The following ACTL8 variants were observed in gnomAD, a reference collection of about 807,000 sequenced individuals.
ACTL8 encodes actin-like protein 8.
A neutral mutation model predicts 9.3 loss-of-function variants in ACTL8; 3 were observed. That is an observed-to-expected ratio of 0.32 (90% CI 0.15 to 0.83). The LOEUF is 0.83. Among genes scored for constraint, ACTL8 ranks in the 40% least tolerant of loss-of-function variants. ACTL8 has a pLI of 0.57. For missense variants in ACTL8, 381 were observed against 492.2 expected, an observed-to-expected ratio of 0.77 and a Z score of 2.14; for synonymous variants, 224 against 205.9, an observed-to-expected ratio of 1.09 and a Z score of -0.75.
intron 1 of ACTL8, among the ~76,000 whole-genome samples, chr1:17,783,349 TTTGTTTTTTTTTTTTA>T: frequency 7.9e-6 from 1 of 127,256 alleles, no homozygotes; most frequent in African/African-American, 3.4e-5. Flanking sequence ...TTTTTTTTGT[TTTGTTTTTTTTTTTTA>T]AAAAAACTCC....
chr1:17,805,343 C>A (rs566762379), intron 1 of ACTL8, among the ~76,000 whole-genome samples: 1 of 140,614 alleles, frequency 7.1e-6, no homozygotes, highest in East Asian at 2.0e-4. Flanking sequence ...ATAGCTAGTG[C>A]TTTATAAAAT....
chr1:17,789,271 C>T (rs975574099), intron 1 of ACTL8, among the ~76,000 whole-genome samples: 2 of 151,984 alleles, frequency 1.3e-5, no homozygotes, highest in East Asian at 1.9e-4. Context: ...GAGGGATGCT[C>T]GTGTGGGCAG....
At position 17,826,615 on chromosome 1, in the gene ACTL8, G is replaced by T. The variant is rs1393015876; in HGVS notation, c.*96G>T. ...TCTGGGTGGGGGTAGAATGAGGTGG[G>T]GTGGGGTGAGCTGGCTTTGGAATTC... On this transcript the variant is annotated 3_prime_UTR_variant, in exon 3 of 3. Coordinates refer to ENST00000375406, the MANE Select transcript of ACTL8 (RefSeq NM_030812.3). The surrounding 1 kb of genome is among the most constrained non-coding windows in gnomAD (Gnocchi z 4.5). 2 of 1,273,066 alleles carry T rather than the reference G, an allele frequency of 1.6e-6. No individual in the cohort carries two copies. The highest frequency in any genetic ancestry group is 2.1e-6 in the Non-Finnish European group (2 of 953,998). 78.9% of individuals were successfully genotyped at this position (1,273,066 alleles called of 1,614,324 possible).
intron 1 of ACTL8, among the ~76,000 whole-genome samples, chr1:17,807,145 G>A (rs1269967969): frequency 6.6e-6 from 1 of 152,196 alleles, no homozygotes; most frequent in Non-Finnish European, 1.5e-5. Context: ...GGGCTCACAT[G>A]GATAATCCAG....
rs946045613 is a variant in ACTL8 at position 17,767,299 on chromosome 1, C to A, written c.-25+11795C>A. ...CTGGGGTTGCATCGGATGATAGGAT[C>A]CGACTTCGCTGCTGGAGACAGAGCC... is the stretch of plus-strand genomic sequence containing the variant. On this transcript the variant is annotated intron_variant, in intron 1 of 2. Transcript: ENST00000375406. This position sits in a 1 kb window ranked among gnomAD's most constrained non-coding sequence, Gnocchi z 4.7. 6.6e-6 allele frequency among the ~76,000 whole-genome samples: 1 copy of A among 152,014 alleles called. No homozygotes were observed. The highest frequency in any genetic ancestry group is 2.4e-5 in the African/African-American group (1 of 41,376).
chr1:17,773,878 G>A lies in ACTL8; in HGVS notation c.-25+18374G>A, dbSNP rs143279473. On this transcript the variant is annotated intron_variant, in intron 1 of 2. Coordinates refer to ENST00000375406, the MANE Select transcript of ACTL8 (RefSeq NM_030812.3). Reference sequence around the variant, plus strand: ...TCTGAGCTTCCGTCTTCTACTTTGCGAAGGGAGGGAGAAGAGGCTGTCTGT... The same window carrying A: ...TCTGAGCTTCCGTCTTCTACTTTGCAAAGGGAGGGAGAAGAGGCTGTCTGT... Among the ~76,000 whole-genome samples, 383 of 152,350 alleles carry A rather than the reference G, an allele frequency of 2.5e-3. 1 individual carries two copies. The highest frequency in any genetic ancestry group is 8.4e-3 in the African/African-American group (350 of 41,574).
At chr1:17,802,424 C>CGTGTGT (rs72387933) in intron 1 of ACTL8, among the ~76,000 whole-genome samples, 126 of 146,660 alleles carry the variant, frequency 8.6e-4, no homozygotes, top group Middle Eastern at 3.5e-3. Context: ...ACTGTGCGTG[C>CGTGTGT]GTGTGTGTGT....
chr1:17,825,316 T>G (rs1157461747), intron 2 of ACTL8, among the ~76,000 whole-genome samples: 1 of 152,194 alleles, frequency 6.6e-6, no homozygotes, highest in Non-Finnish European at 1.5e-5. Context: ...TGGCGTCTTT[T>G]TTCTTGTCTG....
At chr1:17,818,642 T>C (rs1476365134) in intron 1 of ACTL8, among the ~76,000 whole-genome samples, 1 of 152,238 alleles carries the variant, frequency 6.6e-6, no homozygotes, top group South Asian at 2.1e-4. Context: ...GGTATTCACA[T>C]GCCTTATTCC....
intron 1 of ACTL8, among the ~76,000 whole-genome samples, chr1:17,813,122 G>A (rs960165692): frequency 3.3e-5 from 5 of 152,082 alleles, no homozygotes; most frequent in Non-Finnish European, 7.4e-5. Context: ...CAATTCATGT[G>A]TCTTTTGTTT....
At chr1:17,776,516 G>T (rs2066118844) in intron 1 of ACTL8, among the ~76,000 whole-genome samples, 1 of 152,140 alleles carries the variant, frequency 6.6e-6, no homozygotes, top group Non-Finnish European at 1.5e-5. Flanking sequence ...TCTCCCAGGA[G>T]CTTGGACGGC....
chr1:17,772,288 T>TA (rs2066088276), intron 1 of ACTL8, among the ~76,000 whole-genome samples: 1 of 152,188 alleles, frequency 6.6e-6, no homozygotes, highest in Non-Finnish European at 1.5e-5. Context: ...GATCGGGAGT[T>TA]ATGAGCGGTG....
At chr1:17,756,181 G>A (rs552334539) in intron 1 of ACTL8, among the ~76,000 whole-genome samples, 2 of 152,072 alleles carry the variant, frequency 1.3e-5, no homozygotes, top group African/African-American at 4.8e-5. Context: ...CTTCTTTGGG[G>A]CTCTATCTTA....
At chr1:17,819,527 C>T (rs370322318) in intron 1 of ACTL8, among the ~76,000 whole-genome samples, 8 of 152,332 alleles carry the variant, frequency 5.3e-5, no homozygotes, top group South Asian at 4.1e-4. Flanking sequence ...TGTCCAGAAA[C>T]GGAAGCCGAG....
chr1:17,809,034 C>A (rs867840727), intron 1 of ACTL8, among the ~76,000 whole-genome samples: 1 of 152,106 alleles, frequency 6.6e-6, no homozygotes, highest in Non-Finnish European at 1.5e-5. Flanking sequence ...TTTAGGGACA[C>A]GGGAGTGCAG....
intron 1 of ACTL8, among the ~76,000 whole-genome samples, chr1:17,759,005 C>G (rs1387420310): frequency 6.6e-6 from 1 of 152,172 alleles, no homozygotes; most frequent in African/African-American, 2.4e-5. Context: ...GCCTATTAGT[C>G]TCCTTGTTTT....
chr1:17,758,542 A>G (rs1029573029), intron 1 of ACTL8, among the ~76,000 whole-genome samples: 2 of 152,216 alleles, frequency 1.3e-5, no homozygotes, highest in Non-Finnish European at 2.9e-5. Context: ...CATCATTGCC[A>G]TAAATACTTA....
At position 17,772,629 on chromosome 1, in the gene ACTL8, A is replaced by G. The variant is rs375432848; in HGVS notation, c.-25+17125A>G. On this transcript the variant is annotated intron_variant, in intron 1 of 2. Transcript: ENST00000375406. ...TGCTGGACCGGAGAGAGGGAGCCCA[A>G]TAGTGGTGGGAAGAGGTTGGGGGGC... 5.9e-5 allele frequency among the ~76,000 whole-genome samples: 9 copies of G among 152,328 alleles called. No individual in the cohort carries two copies. The East Asian group carries it at 1.5e-3, about 26-fold the overall frequency.
intron 1 of ACTL8, among the ~76,000 whole-genome samples, chr1:17,796,305 C>CGT (rs2066276384): frequency 2.0e-5 from 1 of 49,170 alleles, no homozygotes; most frequent in South Asian, 9.2e-4. Flanking sequence ...CATGCGTGCA[C>CGT]CTGTGTGTGT....
Sources: gnomAD v4.1 joint callset for allele counts (sites outside exome capture counted in the v4.1 genomes callset) on GRCh38, gnomAD v4.1.1 for gene constraint, Gnocchi (gnomAD v3.1) non-coding constraint, MANE v1.5 for transcripts, NCBI Gene and HGNC (gene_info 2026-07-23, HGNC 2026-07-21) for gene names.